ATXN2: variants seen among roughly 807,000 people sequenced by gnomAD.
ATXN2 encodes the protein ataxin-2.
In ATXN2, 37 loss-of-function variants were observed where a neutral mutation model predicts 138.6. The ratio of observed to expected loss-of-function variants is 0.27; its 90% CI spans 0.21 to 0.35. The LOEUF (loss-of-function observed/expected upper bound fraction) is 0.35. ATXN2 is among the 10% of genes least tolerant of loss of function. The pLI is 1.00. For synonymous variants in ATXN2, 549 were observed against 543.7 expected (o/e 1.01, Z -0.13); for missense variants, 1,216 against 1,480.3 (o/e 0.82, Z 2.93).
intron 21 of ATXN2, among the ~76,000 whole-genome samples, chr12:111,460,086 TTTG>T (rs1275968691): frequency 1.3e-5 from 2 of 151,848 alleles, no homozygotes; most frequent in East Asian, 1.9e-4. Flanking sequence ...ACAGTGCAGT[TTTG>T]TTGTTGTTTT....
intron 1 of ATXN2, among the ~76,000 whole-genome samples, chr12:111,573,320 A>G (rs181266665): frequency 1.3e-5 from 2 of 151,996 alleles, no homozygotes; most frequent in African/African-American, 4.8e-5. Context: ...CAGCCTACTG[A>G]GTAGCTGGGA....
At chr12:111,538,018 C>T (rs533011932) in intron 5 of ATXN2, among the ~76,000 whole-genome samples, 55 of 152,054 alleles carry the variant, frequency 3.6e-4, no homozygotes, top group Middle Eastern at 6.8e-3. Flanking sequence ...ATCACCTGAA[C>T]CCATGAGTTT....
At chr12:111,574,616 CCTCA>C (rs1256620010) in intron 1 of ATXN2, among the ~76,000 whole-genome samples, 4 of 151,856 alleles carry the variant, frequency 2.6e-5, no homozygotes, top group African/African-American at 9.7e-5. Flanking sequence ...AGAGATGGGG[CCTCA>C]CTATGTTGCC....
At chr12:111,505,644 A>G (rs995508279) in intron 14 of ATXN2, among the ~76,000 whole-genome samples, 1 of 152,254 alleles carries the variant, frequency 6.6e-6, no homozygotes, top group Non-Finnish European at 1.5e-5. Flanking sequence ...CAATGAGGTT[A>G]ACACTTCACA....
chr12:111,533,000 C>T (rs1383817697), intron 5 of ATXN2, among the ~76,000 whole-genome samples: 1 of 152,126 alleles, frequency 6.6e-6, no homozygotes, highest in Non-Finnish European at 1.5e-5. Context: ...AGTTTAAGAT[C>T]TTAGAGGAAC....
rs2135666802 is a variant in ATXN2, at chr12:111,465,657, C to G, written c.2843-942G>C. 2.0e-5 allele frequency among the ~76,000 whole-genome samples: 3 copies of G among 150,796 alleles called. No individual in the cohort carries two copies. The South Asian group carries it at 6.3e-4, about 32-fold the overall frequency. ...TGGTGGCGCACACCTGTAGTCCCAC[C>G]TACTCGGGAGGCTGAGGCAGAAAAA... On this transcript the variant is annotated intron_variant, in intron 20 of 24. Transcript: ENST00000673436.
rs1882166511 is a variant in ATXN2 at position 111,552,318 on chromosome 12, A to G, written c.533T>C (p.Val178Ala). ...ACTGGAGTCCATATCTTTAAACTGTACCACAACAAAGTCTGAACATTTGAA... is the reference window on the plus strand; with the variant it reads ...ACTGGAGTCCATATCTTTAAACTGTGCCACAACAAAGTCTGAACATTTGAA... ...ILFKCSDFVV[V>A]QFKDMDSSYA... is the part of the protein sequence containing the mutation. The change falls in exon 5 of 25, where the codon GTA (valine) becomes GCA (alanine). Residue 178 changes from valine to alanine, a missense_variant. Transcript: ENST00000673436. This position sits in a 1 kb window ranked among gnomAD's most constrained non-coding sequence, Gnocchi z 4.1. 1.9e-6 allele frequency: 3 copies of G among 1,612,866 alleles called. No individual in the cohort carries two copies. The highest frequency in any genetic ancestry group is 2.5e-6 in the Non-Finnish European group (3 of 1,179,604).
intron 18 of ATXN2, chr12:111,478,959 A>C: frequency 4.4e-6 from 1 of 228,010 alleles, no homozygotes; most frequent in Non-Finnish European, 8.4e-6. Flanking sequence ...CCATGAGCTG[A>C]AATCACGCCA....
intron 18 of ATXN2, among the ~76,000 whole-genome samples, chr12:111,483,194 TACACACACAC>T (rs59840296): frequency 7.5e-4 from 72 of 95,428 alleles, no homozygotes; most frequent in Admixed American, 2.9e-3. Context: ...ATCAAACACA[TACACACACAC>T]ACACACACAC....
At chr12:111,535,796 C>T (rs1397588944) in intron 5 of ATXN2, among the ~76,000 whole-genome samples, 3 of 151,660 alleles carry the variant, frequency 2.0e-5, no homozygotes, top group Non-Finnish European at 2.9e-5. Flanking sequence ...GTCAGGAGAT[C>T]GAGACCATCC....
chr12:111,520,008 T>G lies in ATXN2; in HGVS notation c.857A>C (p.Glu286Ala). 1 of 1,614,180 alleles carries G rather than the reference T, an allele frequency of 6.2e-7. No individual in the cohort carries two copies. The highest frequency in any genetic ancestry group is 8.5e-7 in the Non-Finnish European group (1 of 1,180,030). The change falls in exon 8 of 25, where the codon GAA (glutamate) becomes GCA (alanine). Residue 286 changes from glutamate to alanine, a missense_variant. Physicochemically the swap from Glu to Ala is moderately radical, Grantham distance 107. Transcript: ENST00000673436. ...GTACTGGGCACTTGACTCAATTTCTTCTGCTAACTGGTTTGCCCTTGCTTC... is the reference window on the plus strand; with the variant it reads ...GTACTGGGCACTTGACTCAATTTCTGCTGCTAACTGGTTTGCCCTTGCTTC... Reference protein sequence around the residue: ...KREARANQLAEEIESSAQYKA... With the variant: ...KREARANQLAAEIESSAQYKA...
chr12:111,457,468 C>T (rs2301621), intron 21 of ATXN2, 109 bp from the exon 22 acceptor site: 260,256 of 1,246,044 alleles, frequency 0.21, 27,583 homozygotes, highest in Middle Eastern at 0.31. Context: ...GCATAACTCA[C>T]GCCACTACCA....
chr12:111,525,463 C>G, intron 5 of ATXN2, 147 bp from the exon 6 acceptor site: 1 of 1,001,060 alleles, frequency 1.0e-6, no homozygotes. Context: ...CTAACAGAAA[C>G]ATTTATTGAA....
At chr12:111,537,203 G>C (rs1365303966) in intron 5 of ATXN2, among the ~76,000 whole-genome samples, 2 of 152,142 alleles carry the variant, frequency 1.3e-5, no homozygotes, top group Non-Finnish European at 2.9e-5. Context: ...CTGTGTAACT[G>C]TATAATGGAA....
chr12:111,492,689 G>GAAA (rs79185818), intron 14 of ATXN2, among the ~76,000 whole-genome samples: 1 of 99,712 alleles, frequency 1.0e-5, no homozygotes, highest in Admixed American at 1.0e-4. Context: ...CTCAAAAACA[G>GAAA]AAAAAAAAAA....
chr12:111,581,700 T>C (rs1239792112), intron 1 of ATXN2: 2 of 679,644 alleles, frequency 2.9e-6, no homozygotes, highest in African/African-American at 3.6e-5. Context: ...TGCCTGAACA[T>C]CTGGGCCCTG....
chr12:111,577,642 T>C (rs1566076265), intron 1 of ATXN2, among the ~76,000 whole-genome samples: 2 of 152,070 alleles, frequency 1.3e-5, no homozygotes, highest in African/African-American at 2.4e-5. Flanking sequence ...TAAAGAAAGA[T>C]ATTTTTGACC....
intron 1 of ATXN2, among the ~76,000 whole-genome samples, chr12:111,576,809 T>C (rs566377142): frequency 6.7e-6 from 1 of 150,066 alleles, no homozygotes; most frequent in East Asian, 2.0e-4. Flanking sequence ...AATAAAAAAA[T>C]TAGCCAGGCA....
At chr12:111,540,987 C>T (rs1592880228) in intron 5 of ATXN2, among the ~76,000 whole-genome samples, 3 of 150,342 alleles carry the variant, frequency 2.0e-5, no homozygotes, top group African/African-American at 2.4e-5. Flanking sequence ...GTGAGCACCA[C>T]ACCCGGCCTA....
Sources: gnomAD v4.1 joint callset for allele counts (sites outside exome capture counted in the v4.1 genomes callset) on GRCh38, gnomAD v4.1.1 for gene constraint, Gnocchi (gnomAD v3.1) non-coding constraint, MANE v1.5 for transcripts, NCBI Gene and HGNC (gene_info 2026-07-23, HGNC 2026-07-21) for gene names.